Variants in RGS17 observed in about 807,000 individuals in gnomAD.
RGS17 encodes the protein regulator of G-protein signaling 17.
RGS17 carries 12 observed loss-of-function variants against 25.5 expected under a neutral mutation model. The observed-to-expected ratio is 0.47, with a 90% CI of 0.30 to 0.76. The LOEUF is 0.76. Ranked by LOEUF, RGS17 falls within the 30% of genes least tolerant of loss-of-function variation. The pLI, the probability that RGS17 is intolerant of heterozygous loss-of-function variation, is 0.07. For synonymous variants in RGS17, 71 were observed against 76.9 expected (o/e 0.92, Z 0.40); for missense variants, 196 against 242.2 (o/e 0.81, Z 1.27).
intron 1 of RGS17, among the ~76,000 whole-genome samples, chr6:153,073,956 G>A (rs1359477250): frequency 6.6e-6 from 1 of 152,106 alleles, no homozygotes; most frequent in Non-Finnish European, 1.5e-5. Context: ...AATATAATGA[G>A]AGAGATTTCA....
intron 2 of RGS17, among the ~76,000 whole-genome samples, chr6:153,026,761 C>T (rs1481769613): frequency 6.6e-6 from 1 of 152,048 alleles, no homozygotes; most frequent in Non-Finnish European, 1.5e-5. Context: ...AAATCAGACT[C>T]CCAAAAGTGG....
chr6:153,026,583 T>A (rs1779305325), intron 2 of RGS17, 40 bp from the exon 3 acceptor site: 2 of 1,478,636 alleles, frequency 1.4e-6, no homozygotes, highest in Admixed American at 1.7e-5. Context: ...CAAGGGAAAT[T>A]CAATCAGTTG....
chr6:153,098,749 C>T (rs946757268), intron 1 of RGS17, among the ~76,000 whole-genome samples: 4 of 152,108 alleles, frequency 2.6e-5, no homozygotes, highest in Admixed American at 1.3e-4. Flanking sequence ...GGGTTGTCTG[C>T]CACATAAGGG....
At chr6:153,065,164 T>C (rs575306029) in intron 1 of RGS17, among the ~76,000 whole-genome samples, 1 of 152,092 alleles carries the variant, frequency 6.6e-6, no homozygotes, top group South Asian at 2.1e-4. Flanking sequence ...CTTATATCAG[T>C]CAAAATGAAT....
chr6:153,069,639 G>A (rs1191062410), intron 1 of RGS17, among the ~76,000 whole-genome samples: 1 of 151,986 alleles, frequency 6.6e-6, no homozygotes, highest in Non-Finnish European at 1.5e-5. Flanking sequence ...TAACACAAAG[G>A]ATAAATGCTT....
At chr6:153,054,528 G>C (rs1776525424) in intron 1 of RGS17, among the ~76,000 whole-genome samples, 1 of 151,912 alleles carries the variant, frequency 6.6e-6, no homozygotes. Flanking sequence ...GCGGGAGCCT[G>C]TGACCCCAGC....
At chr6:153,039,528 T>C (rs529366374) in intron 2 of RGS17, among the ~76,000 whole-genome samples, 53 of 152,290 alleles carry the variant, frequency 3.5e-4, no homozygotes, top group African/African-American at 1.3e-3. Flanking sequence ...TCTCTGAAGT[T>C]CTAATTTTTA....
rs1000005373 is a variant in RGS17 at position 153,008,883 on chromosome 6, A to G, written c.*2691T>C. On this transcript the variant is annotated 3_prime_UTR_variant, in exon 5 of 5. Transcript: ENST00000206262. ...GAAGGAATTATATCATACTTAGAAA[A>G]TTAGTAGAGTTGCAAATATACAGAC... 2 of 152,156 alleles carry G rather than the reference A, an allele frequency of 1.3e-5. No individual in the cohort carries two copies. The highest frequency in any genetic ancestry group is 6.5e-5 in the Admixed American group (1 of 15,278). The allele number at this position is 152,156 out of a possible 1,614,324, so 9.4% of individuals were successfully genotyped here.
At chr6:153,129,528 A>T (rs550524502) in intron 1 of RGS17, among the ~76,000 whole-genome samples, 16 of 152,204 alleles carry the variant, frequency 1.1e-4, no homozygotes, top group Non-Finnish European at 1.8e-4. Flanking sequence ...CTACACTAAT[A>T]AAAATCAATT....
rs140881733 is a variant in RGS17 at position 153,083,253 on chromosome 6, G to A, written c.-25-39210C>T. 2.2e-3 allele frequency among the ~76,000 whole-genome samples: 341 copies of A among 152,274 alleles called. 3 individuals are homozygous for A. The highest frequency in any genetic ancestry group is 7.9e-3 in the African/African-American group (328 of 41,550). On this transcript the variant is annotated intron_variant, in intron 1 of 4. Transcript: ENST00000206262. ...AAATGTTTATCTGAATTGCAATGGT[G>A]AGAAAACATTTGTGTCTTGTTTACA... is the stretch of plus-strand genomic sequence containing the variant.
chr6:153,075,389 TC>T (rs1171617735), intron 1 of RGS17, among the ~76,000 whole-genome samples: 1 of 152,144 alleles, frequency 6.6e-6, no homozygotes, highest in East Asian at 1.9e-4. Context: ...ATTCAACTGT[TC>T]CAAGAGATAC....
intron 1 of RGS17, among the ~76,000 whole-genome samples, chr6:153,121,823 C>T (rs1288595494): frequency 2.6e-5 from 4 of 152,104 alleles, no homozygotes; most frequent in Non-Finnish European, 5.9e-5. Context: ...AACTATTTAA[C>T]ATAACCTATG....
At chr6:153,014,385 C>T (rs776300084) in intron 4 of RGS17, among the ~76,000 whole-genome samples, 3 of 152,176 alleles carry the variant, frequency 2.0e-5, no homozygotes, top group Non-Finnish European at 2.9e-5. Context: ...CCTGGTCATC[C>T]GAGAGCTTTG....
intron 1 of RGS17, among the ~76,000 whole-genome samples, chr6:153,064,245 C>T (rs1393059907): frequency 6.6e-6 from 1 of 152,136 alleles, no homozygotes; most frequent in Non-Finnish European, 1.5e-5. Context: ...AGCAGAAAGA[C>T]TAAACTATGA....
intron 1 of RGS17, among the ~76,000 whole-genome samples, chr6:153,107,225 C>T (rs1286100817): frequency 1.3e-5 from 2 of 151,876 alleles, no homozygotes; most frequent in East Asian, 2.0e-4. Flanking sequence ...CCTAGCTACT[C>T]GGGAGGCTGA....
chr6:153,066,218 G>A (rs1584141504), intron 1 of RGS17, among the ~76,000 whole-genome samples: 1 of 152,092 alleles, frequency 6.6e-6, no homozygotes, highest in Non-Finnish European at 1.5e-5. Context: ...AACCTACCAC[G>A]ATTGAACCAG....
intron 1 of RGS17, among the ~76,000 whole-genome samples, chr6:153,091,624 T>G (rs187002158): frequency 6.6e-6 from 1 of 152,116 alleles, no homozygotes; most frequent in South Asian, 2.1e-4. Flanking sequence ...GCAATTCTCC[T>G]GCCTCAGCCT....
chr6:153,126,527 T>A (rs994994742), intron 1 of RGS17, among the ~76,000 whole-genome samples: 1 of 151,966 alleles, frequency 6.6e-6, no homozygotes, highest in African/African-American at 2.4e-5. Context: ...CTCAAACAAA[T>A]AAGAAAAATG....
At chr6:153,090,754 G>A (rs1777118231) in intron 1 of RGS17, among the ~76,000 whole-genome samples, 2 of 152,142 alleles carry the variant, frequency 1.3e-5, no homozygotes, top group Admixed American at 1.3e-4. Context: ...TTTGTCCAGC[G>A]TGTCCATGCT....
Sources: gnomAD v4.1 joint callset for allele counts (sites outside exome capture counted in the v4.1 genomes callset) on GRCh38, gnomAD v4.1.1 for gene constraint, MANE v1.5 for transcripts, NCBI Gene and HGNC (gene_info 2026-07-23, HGNC 2026-07-21) for gene names.